Variants in LARGE1 observed in about 807,000 individuals in gnomAD.
LARGE1 encodes LARGE xylosyl- and glucuronyltransferase 1, also known as xylosyl- and glucuronyltransferase LARGE1.
In LARGE1, 43 loss-of-function variants were observed where a neutral mutation model predicts 87.6. The ratio of observed to expected loss-of-function variants is 0.49; its 90% CI spans 0.38 to 0.63. LARGE1 has a LOEUF of 0.63. Ranked by LOEUF, LARGE1 falls within the 30% of genes least tolerant of loss-of-function variation. The pLI is 0.00. For synonymous variants in LARGE1, 434 were observed against 394.6 expected, an observed-to-expected ratio of 1.10 and a Z score of -1.18; for missense variants, 802 against 1,000.2, an observed-to-expected ratio of 0.80 and a Z score of 2.67.
intron 11 of LARGE1, among the ~76,000 whole-genome samples, chr22:33,260,576 G>A (rs143109367): frequency 4.5e-5 from 4 of 89,610 alleles, no homozygotes. Context: ...GATTAAATGA[G>A]ATAATGCCGG....
intron 9 of LARGE1, among the ~76,000 whole-genome samples, chr22:33,363,914 G>T (rs1160159024): frequency 6.7e-6 from 1 of 149,408 alleles, no homozygotes; most frequent in Non-Finnish European, 1.5e-5. Flanking sequence ...TCCCGGGTGG[G>T]ACTGAGCGGG....
At chr22:33,833,990 A>C (rs114589914) in intron 1 of LARGE1, among the ~76,000 whole-genome samples, 3,748 of 152,230 alleles carry the variant, frequency 0.025, 154 homozygotes, top group African/African-American at 0.085. Context: ...GCCCAGCTCA[A>C]TTATTGTCAT....
intron 6 of LARGE1, among the ~76,000 whole-genome samples, chr22:33,465,071 C>T (rs189943296): frequency 1.2e-4 from 19 of 152,262 alleles, no homozygotes; most frequent in East Asian, 3.9e-4. Flanking sequence ...TCCAAATGTC[C>T]TATGACAAAA....
At chr22:33,525,017 T>C (rs917094223) in intron 6 of LARGE1, among the ~76,000 whole-genome samples, 2 of 152,200 alleles carry the variant, frequency 1.3e-5, no homozygotes, top group African/African-American at 4.8e-5. Context: ...ACACAGGTCT[T>C]CTGGTTTAGG....
chr22:33,766,930 A>G (rs1312794595), intron 1 of LARGE1, among the ~76,000 whole-genome samples: 3 of 11,674 alleles, frequency 2.6e-4, no homozygotes, highest in Admixed American at 1.0e-3. Context: ...ATATATATAT[A>G]TATATATATA....
intron 6 of LARGE1, among the ~76,000 whole-genome samples, chr22:33,498,875 G>A (rs573710754): frequency 6.6e-6 from 1 of 152,274 alleles, no homozygotes; most frequent in Non-Finnish European, 1.5e-5. Context: ...GGGAAGCTGA[G>A]GCAGGAGAAT....
chr22:33,829,493 T>C (rs2062903720), intron 1 of LARGE1, among the ~76,000 whole-genome samples: 1 of 152,190 alleles, frequency 6.6e-6, no homozygotes, highest in Non-Finnish European at 1.5e-5. Context: ...CTTCGCTCAT[T>C]CCTGTATCCC....
intron 1 of LARGE1, among the ~76,000 whole-genome samples, chr22:33,776,175 G>T (rs146717210): frequency 1.2e-3 from 187 of 152,326 alleles, no homozygotes; most frequent in Non-Finnish European, 2.1e-3. Context: ...GAAGTGCACT[G>T]ATCTGCATCC....
chr22:33,776,642 T>G lies in LARGE1; in HGVS notation c.-82-15084A>C, dbSNP rs371923764. On this transcript the variant is annotated intron_variant, in intron 1 of 14. Coordinates refer to ENST00000397394, the MANE Select transcript of LARGE1 (RefSeq NM_133642.5). ...AACGGACGACGTAAGCAGGCAGGCC[T>G]CACATTTTCATTCTGCTTAAGCAAA... Among the ~76,000 whole-genome samples the G allele has an allele frequency of 1.6e-4, 24 of 152,328 alleles. No individual in the cohort carries two copies. In the East Asian group the frequency reaches 4.1e-3, roughly 26 times the overall value.
At chr22:33,087,257 A>G in the LARGE1 span, among the ~76,000 whole-genome samples, 2 of 151,838 alleles carry the variant, frequency 1.3e-5, no homozygotes, top group Non-Finnish European at 2.9e-5. Flanking sequence ...TTATTTTTAT[A>G]CTAAAAAATA....
At chr22:33,618,805 AG>A (rs1317780211) in intron 4 of LARGE1, among the ~76,000 whole-genome samples, 1 of 152,258 alleles carries the variant, frequency 6.6e-6, no homozygotes, top group Non-Finnish European at 1.5e-5. Context: ...AACTGGATTG[AG>A]AACCCGCCTT....
At chr22:33,157,549 C>G (rs1042184618), downstream of LARGE1, among the ~76,000 whole-genome samples, 3 of 152,182 alleles carry the variant, frequency 2.0e-5, no homozygotes, top group African/African-American at 7.2e-5. Context: ...CTTGTACCAA[C>G]AGAGAACCAC....
At chr22:33,359,976 T>C (rs1450991458) in intron 9 of LARGE1, among the ~76,000 whole-genome samples, 1 of 149,492 alleles carries the variant, frequency 6.7e-6, no homozygotes, top group Non-Finnish European at 1.5e-5. Context: ...ACCAAAGTCC[T>C]GAGTTTTGGG....
At chr22:33,705,655 C>G (rs2082539636) in intron 2 of LARGE1, among the ~76,000 whole-genome samples, 1 of 152,240 alleles carries the variant, frequency 6.6e-6, no homozygotes, top group Admixed American at 6.5e-5. Flanking sequence ...CTAGAATCTT[C>G]CAACTCCATT....
At chr22:33,721,120 G>T (rs568293063) in intron 2 of LARGE1, among the ~76,000 whole-genome samples, 47 of 152,314 alleles carry the variant, frequency 3.1e-4, no homozygotes, top group Non-Finnish European at 5.7e-4. Context: ...CAACAAAACT[G>T]GGCTTTATCA....
At chr22:33,240,601 GTCC>G (rs921182636) in intron 11 of LARGE1, among the ~76,000 whole-genome samples, 1 of 152,132 alleles carries the variant, frequency 6.6e-6, no homozygotes, top group Admixed American at 6.5e-5. Context: ...GGTTGTGTAA[GTCC>G]TCCTAATTTT....
chr22:33,843,051 T>C (rs993042568), intron 1 of LARGE1, among the ~76,000 whole-genome samples: 1 of 152,194 alleles, frequency 6.6e-6, no homozygotes, highest in Non-Finnish European at 1.5e-5. Flanking sequence ...TGGATTTCCA[T>C]ACTCCTAGCC....
intron 9 of LARGE1, among the ~76,000 whole-genome samples, chr22:33,381,327 CT>C (rs1421908790): frequency 6.6e-6 from 1 of 152,186 alleles, no homozygotes; most frequent in African/African-American, 2.4e-5. Flanking sequence ...ACCCTGTCTT[CT>C]TCCTCTTTCT....
At chr22:33,198,477 T>A (rs1221426777) in intron 11 of LARGE1, among the ~76,000 whole-genome samples, 1 of 152,118 alleles carries the variant, frequency 6.6e-6, no homozygotes, top group African/African-American at 2.4e-5. Flanking sequence ...TACATGTGTA[T>A]ATTGCATAGT....
Sources: allele counts gnomAD v4.1 joint callset (sites outside exome capture counted in the v4.1 genomes callset), GRCh38; gene constraint gnomAD v4.1.1; transcripts MANE v1.5; gene names NCBI Gene and HGNC (gene_info 2026-07-23, HGNC 2026-07-21).